The following SNTG1 variants were observed in gnomAD, a reference collection of about 807,000 sequenced individuals.
SNTG1 encodes the protein syntrophin gamma 1.
In SNTG1, 39 loss-of-function variants were observed where a neutral mutation model predicts 74.7. The ratio of observed to expected loss-of-function variants is 0.52; its 90% CI spans 0.40 to 0.68. The LOEUF (loss-of-function observed/expected upper bound fraction) is 0.68, where lower values mean the gene tolerates loss of function less well. SNTG1 is among the 30% of genes least tolerant of loss of function. The pLI is 0.00. For missense variants in SNTG1, 685 were observed against 609.5 expected (o/e 1.12, Z -1.30); for synonymous variants, 254 against 217.1 (o/e 1.17, Z -1.49).
chr8:50,583,219 A>C (rs557596355), intron 12 of SNTG1, among the ~76,000 whole-genome samples: 1 of 151,936 alleles, frequency 6.6e-6, no homozygotes, highest in East Asian at 2.0e-4. Context: ...CCTGGCCAAC[A>C]TGGTGAAACC....
In SNTG1 at chr8:50,097,736, G is replaced by A. The variant is rs536289960; in HGVS notation, c.-102-74825G>A. ...ACTTTAAGATTATGAAGAAAATACA[G>A]TTTTGTTGACTCTGATTGAGAGTGA... is the stretch of plus-strand genomic sequence containing the variant. On this transcript the variant is annotated intron_variant, in intron 1 of 18. Transcript: ENST00000642720. Among the ~76,000 whole-genome samples the A allele has an allele frequency of 3.3e-5, 5 of 152,132 alleles. No homozygotes were observed. In the East Asian group the frequency reaches 7.8e-4, roughly 24 times the overall value.
At chr8:49,922,642 T>C (rs1806656348) in intron 1 of SNTG1, among the ~76,000 whole-genome samples, 1 of 152,136 alleles carries the variant, frequency 6.6e-6, no homozygotes, top group African/African-American at 2.4e-5. Context: ...TCAGCCATTA[T>C]CTGGATGGAA....
intron 2 of SNTG1, among the ~76,000 whole-genome samples, chr8:50,392,232 AT>A (rs1251104694): frequency 6.6e-6 from 1 of 152,232 alleles, no homozygotes; most frequent in Non-Finnish European, 1.5e-5. Flanking sequence ...AATTACAACA[AT>A]TGTAGCAAAA....
chr8:50,611,933 T>A (rs1040594791), intron 13 of SNTG1, among the ~76,000 whole-genome samples: 2 of 152,040 alleles, frequency 1.3e-5, no homozygotes, highest in African/African-American at 4.8e-5. Flanking sequence ...TGTACAGCTA[T>A]TTTTTGTGGA....
intron 13 of SNTG1, among the ~76,000 whole-genome samples, chr8:50,609,360 A>T (rs2094834622): frequency 6.6e-6 from 1 of 152,044 alleles, no homozygotes; most frequent in Non-Finnish European, 1.5e-5. Context: ...AACACTTTAA[A>T]TGTCACTCCA....
chr8:49,928,006 G>A (rs1337060817), intron 1 of SNTG1, among the ~76,000 whole-genome samples: 1 of 151,560 alleles, frequency 6.6e-6, no homozygotes, highest in South Asian at 2.1e-4. Flanking sequence ...GCGTGCACCT[G>A]TAGTCCCAGC....
chr8:50,285,431 G>C (rs2088713612), intron 2 of SNTG1, among the ~76,000 whole-genome samples: 1 of 152,180 alleles, frequency 6.6e-6, no homozygotes, highest in South Asian at 2.1e-4. Context: ...GTGAGACAGA[G>C]TGAGACACGG....
intron 1 of SNTG1, among the ~76,000 whole-genome samples, chr8:49,937,572 G>T (rs1211383442): frequency 6.6e-6 from 1 of 152,094 alleles, no homozygotes; most frequent in Non-Finnish European, 1.5e-5. Context: ...TACTGATGGA[G>T]ATCTAACTAT....
intron 8 of SNTG1, among the ~76,000 whole-genome samples, chr8:50,463,485 C>T (rs1020292523): frequency 2.6e-5 from 4 of 152,126 alleles, no homozygotes; most frequent in African/African-American, 9.7e-5. Flanking sequence ...CAAAATTAAT[C>T]TTATTTTACA....
chr8:50,209,738 A>G (rs1236816659), intron 2 of SNTG1, among the ~76,000 whole-genome samples: 1 of 152,224 alleles, frequency 6.6e-6, no homozygotes, highest in Non-Finnish European at 1.5e-5. Context: ...ATCATCAAAG[A>G]CCAAAGGTAA....
In SNTG1 at chr8:50,530,243, AC is replaced by A; in HGVS notation, c.535del (p.His179IlefsTer19). The A allele has an allele frequency of 6.2e-7, 1 of 1,613,782 alleles. No individual in the cohort carries two copies. Among genetic ancestry groups the A allele is most frequent in the Non-Finnish European group, 8.5e-7 (1 of 1,179,754 alleles). On this transcript the variant is annotated frameshift_variant, in exon 10 of 19. Coordinates refer to ENST00000642720, the MANE Select transcript of SNTG1 (RefSeq NM_018967.5). LOFTEE classifies it high-confidence loss of function. The stretch of plus-strand genomic sequence containing the variant: ...TGTGACAGTGGCTTACATCTCAACT[AC>A]CATCCCAACAATACAGTAAGATGAC... ...PLCDSGLHLN[Y>X]HPNNTDTLSC...
intron 1 of SNTG1, among the ~76,000 whole-genome samples, chr8:50,070,598 G>A (rs944778080): frequency 2.6e-5 from 4 of 152,124 alleles, no homozygotes; most frequent in Admixed American, 6.5e-5. Flanking sequence ...CTGTGTTAGA[G>A]ATTTGAAATT....
intron 1 of SNTG1, among the ~76,000 whole-genome samples, chr8:49,947,519 G>A (rs318876): frequency 0.084 from 12,766 of 152,132 alleles, 1,737 homozygotes; most frequent in African/African-American, 0.29. Flanking sequence ...AGTATAAATG[G>A]CATCTTCCAG....
intron 15 of SNTG1, among the ~76,000 whole-genome samples, chr8:50,698,088 C>T (rs73569498): frequency 0.019 from 2,942 of 151,990 alleles, 40 homozygotes; most frequent in Middle Eastern, 0.037. Context: ...GGAGACTTTT[C>T]GTAGTTGGGA....
intron 2 of SNTG1, among the ~76,000 whole-genome samples, chr8:50,366,557 A>G (rs1258454779): frequency 6.6e-6 from 1 of 151,528 alleles, no homozygotes; most frequent in Non-Finnish European, 1.5e-5. Flanking sequence ...GGGAATGTAT[A>G]ATAGGGATCT....
intron 11 of SNTG1, among the ~76,000 whole-genome samples, chr8:50,550,080 CTAATA>C (rs1231733898): frequency 6.6e-6 from 1 of 152,138 alleles, no homozygotes; most frequent in Admixed American, 6.6e-5. Context: ...TTCACTCTCA[CTAATA>C]TAAGTTTATT....
chr8:50,362,363 G>T (rs962570076), intron 2 of SNTG1, among the ~76,000 whole-genome samples: 2 of 152,114 alleles, frequency 1.3e-5, no homozygotes, highest in South Asian at 4.1e-4. Context: ...ATAAACTAAC[G>T]CTGTAGCTTT....
rs577461411 is a variant in SNTG1, at chr8:50,121,608, A to G, written c.-102-50953A>G. 2.8e-5 allele frequency among the ~76,000 whole-genome samples: 4 copies of G among 142,890 alleles called. 1 individual carries two copies. In the East Asian group the frequency reaches 8.0e-4, roughly 29 times the overall value. 93.7% of individuals were successfully genotyped at this position (142,890 alleles called of 152,430 possible). ...GGTATTGTGCCAGTATTTTAGAATA[A>G]TTAGAAACTGAAACTAGTGACAGAG... is the stretch of plus-strand genomic sequence containing the variant. On this transcript the variant is annotated intron_variant, in intron 1 of 18. Coordinates refer to ENST00000642720, the MANE Select transcript of SNTG1 (RefSeq NM_018967.5).
intron 1 of SNTG1, among the ~76,000 whole-genome samples, chr8:50,108,899 G>A (rs1173329006): frequency 6.6e-6 from 1 of 152,164 alleles, no homozygotes. Context: ...GGAATTTGCA[G>A]ATGTGAGATG....
Sources: allele counts gnomAD v4.1 joint callset (sites outside exome capture counted in the v4.1 genomes callset), GRCh38; gene constraint gnomAD v4.1.1; transcripts MANE v1.5; gene names NCBI Gene and HGNC (gene_info 2026-07-23, HGNC 2026-07-21).